The following MCTP1 variants were observed in gnomAD, a reference collection of about 807,000 sequenced individuals.
The protein encoded by MCTP1 is multiple C2 and transmembrane domain containing 1, also known as multiple C2 and transmembrane domain-containing protein 1.
Under a neutral mutation model 120.6 loss-of-function variants are expected in MCTP1, and 69 were observed. The ratio of observed to expected loss-of-function variants is 0.57; its 90% CI spans 0.47 to 0.70. The LOEUF (loss-of-function observed/expected upper bound fraction) is 0.70, where lower values mean the gene tolerates loss of function less well. MCTP1 is among the 30% of genes least tolerant of loss of function. The probability of loss-of-function intolerance (pLI) is 0.00; values close to 1 mark genes in which losing one functional copy is unlikely to be tolerated. For synonymous variants in MCTP1, 529 were observed against 493.1 expected (o/e 1.07, Z -0.96); for missense variants, 1,203 against 1,248.8 (o/e 0.96, Z 0.55).
At chr5:95,097,910 A>G (rs371833453) in intron 1 of MCTP1, among the ~76,000 whole-genome samples, 2 of 152,286 alleles carry the variant, frequency 1.3e-5, no homozygotes, top group East Asian at 3.9e-4. Context: ...CTTTTTTCAC[A>G]CAGTAAGAAA....
At chr5:95,001,054 C>G (rs953264878) in intron 2 of MCTP1, among the ~76,000 whole-genome samples, 2 of 152,186 alleles carry the variant, frequency 1.3e-5, no homozygotes, top group Admixed American at 1.3e-4. Context: ...TGAGTGAGTT[C>G]TCACCACACC....
At chr5:95,132,140 T>C (rs17341282) in intron 1 of MCTP1, among the ~76,000 whole-genome samples, 5,286 of 152,314 alleles carry the variant, frequency 0.035, 133 homozygotes, top group Middle Eastern at 0.061. Flanking sequence ...GTTATGACAA[T>C]TCCGTAGAGA....
intron 1 of MCTP1, among the ~76,000 whole-genome samples, chr5:95,082,547 A>G (rs1274166438): frequency 6.6e-6 from 1 of 152,192 alleles, no homozygotes; most frequent in Non-Finnish European, 1.5e-5. Flanking sequence ...GGGCTGTTAA[A>G]TAGACATATA....
intron 1 of MCTP1, among the ~76,000 whole-genome samples, chr5:95,051,560 T>C (rs573483378): frequency 6.6e-6 from 1 of 152,310 alleles, no homozygotes; most frequent in Admixed American, 6.5e-5. Flanking sequence ...TTCTGTTCTT[T>C]CCGTGAAGGG....
intron 12 of MCTP1, among the ~76,000 whole-genome samples, chr5:94,881,591 A>G (rs1800098138): frequency 6.6e-6 from 1 of 152,040 alleles, no homozygotes; most frequent in Admixed American, 6.6e-5. Context: ...CTGCCCTGCC[A>G]TTTACAAGCT....
chr5:95,140,588 A>G (rs1320470925), intron 1 of MCTP1, among the ~76,000 whole-genome samples: 2 of 149,768 alleles, frequency 1.3e-5, no homozygotes, highest in East Asian at 2.0e-4. Context: ...GCCGGGCGCG[A>G]TGGCTCACGC....
intron 19 of MCTP1, among the ~76,000 whole-genome samples, chr5:94,756,052 A>G (rs537403675): frequency 6.6e-6 from 1 of 152,326 alleles, no homozygotes; most frequent in East Asian, 1.9e-4. Flanking sequence ...GATGCTGCTA[A>G]TGATTATAAC....
intron 1 of MCTP1, among the ~76,000 whole-genome samples, chr5:95,027,173 A>T (rs1348194620): frequency 1.3e-5 from 2 of 152,216 alleles, no homozygotes; most frequent in African/African-American, 4.8e-5. Context: ...AAGACCTTAC[A>T]CAGAATGGGA....
chr5:95,220,550 C>T (rs764876389), intron 1 of MCTP1, among the ~76,000 whole-genome samples: 6 of 152,012 alleles, frequency 3.9e-5, no homozygotes, highest in Non-Finnish European at 8.8e-5. Context: ...ATGTTGAGGC[C>T]AAGAGGGAAC....
intron 1 of MCTP1, among the ~76,000 whole-genome samples, chr5:95,046,623 G>C (rs1744613448): frequency 6.6e-6 from 1 of 152,124 alleles, no homozygotes; most frequent in Non-Finnish European, 1.5e-5. Flanking sequence ...GTGTTTTACA[G>C]AATAATTAAG....
In MCTP1 at chr5:94,705,996, T is replaced by TTTC; in HGVS notation, c.*1499_*1500insGAA. On this transcript the variant is annotated 3_prime_UTR_variant, in exon 23 of 23. Transcript: ENST00000515393. ...AATAGTTCTATTATAAGAAATAGTA[T>TTTC]TTAACAACTTATCTCTAAAATAAAA... The TTTC allele has an allele frequency of 6.6e-6, 1 of 151,688 alleles. No individual in the cohort carries two copies. The highest frequency in any genetic ancestry group is 2.4e-5 in the African/African-American group (1 of 41,390). The allele number at this position is 151,688 out of a possible 1,614,324, so 9.4% of individuals were successfully genotyped here. A position where few individuals can be genotyped will look rare whatever the true frequency, so the allele number is the denominator to read the frequency against.
intron 1 of MCTP1, among the ~76,000 whole-genome samples, chr5:95,261,325 G>A (rs898333793): frequency 3.9e-5 from 6 of 152,044 alleles, no homozygotes; most frequent in South Asian, 2.1e-4. Flanking sequence ...TGCAGTGGGC[G>A]CTTTATAATA....
chr5:94,727,600 G>C (rs1305803553), intron 19 of MCTP1, among the ~76,000 whole-genome samples: 1 of 152,122 alleles, frequency 6.6e-6, no homozygotes, highest in Non-Finnish European at 1.5e-5. Context: ...TTTGTTTGCT[G>C]TAAGTCTTCA....
rs1386732285 is a variant in MCTP1, at chr5:94,706,369, T to A, written c.*1127A>T. 2 of 151,610 alleles carry A rather than the reference T, an allele frequency of 1.3e-5. No homozygotes were observed. The highest frequency in any genetic ancestry group is 1.3e-4 in the Admixed American group (2 of 15,168). The allele number at this position is 151,610 out of a possible 1,614,324, so 9.4% of individuals were successfully genotyped here. ...TAGATTCTATGATAATAGTGAAACA[T>A]TGATAAAGGCAACCACCACCCCCAA... On this transcript the variant is annotated 3_prime_UTR_variant, in exon 23 of 23. Coordinates refer to ENST00000515393, the MANE Select transcript of MCTP1 (RefSeq NM_024717.7).
intron 1 of MCTP1, among the ~76,000 whole-genome samples, chr5:95,120,176 C>CAAAA (rs56354602): frequency 0.013 from 1,565 of 117,982 alleles, 118 homozygotes; most frequent in East Asian, 0.034. Flanking sequence ...GACTCCATCT[C>CAAAA]AAAAAAAAAA....
At chr5:95,043,336 A>T (rs1208055133) in intron 1 of MCTP1, among the ~76,000 whole-genome samples, 1 of 152,012 alleles carries the variant, frequency 6.6e-6, no homozygotes, top group African/African-American at 2.4e-5. Flanking sequence ...TTTTGCACTG[A>T]TCCTCTCATA....
intron 1 of MCTP1, among the ~76,000 whole-genome samples, chr5:95,149,374 G>A (rs1243933373): frequency 6.6e-6 from 1 of 152,160 alleles, no homozygotes; most frequent in Non-Finnish European, 1.5e-5. Flanking sequence ...GGCGAGTCTT[G>A]CCTGCCTAGG....
intron 19 of MCTP1, among the ~76,000 whole-genome samples, chr5:94,762,045 G>A (rs965463662): frequency 8.5e-5 from 13 of 152,296 alleles, no homozygotes; most frequent in Admixed American, 8.5e-4. Context: ...AGAACCATAC[G>A]AGAGATTCAG....
At chr5:94,739,507 T>G (rs768242094) in intron 19 of MCTP1, 6 of 152,194 alleles carry the variant, frequency 3.9e-5, no homozygotes, top group Non-Finnish European at 5.9e-5. Context: ...GGCATTCGAA[T>G]AAGAAGATGA....
Sources: allele counts gnomAD v4.1 joint callset (sites outside exome capture counted in the v4.1 genomes callset), GRCh38; gene constraint gnomAD v4.1.1; transcripts MANE v1.5; gene names NCBI Gene and HGNC (gene_info 2026-07-23, HGNC 2026-07-21).